Variants in PHF24 observed in about 807,000 individuals in gnomAD.
The protein encoded by PHF24 is Galpha inhibitory interacting protein.
Under a neutral mutation model 42.6 loss-of-function variants are expected in PHF24, and 25 were observed. That is an observed-to-expected ratio of 0.59 (90% CI 0.43 to 0.82). The LOEUF is 0.82. Ranked by LOEUF, PHF24 falls within the 40% of genes least tolerant of loss-of-function variation. PHF24 has a pLI of 0.00. For missense variants in PHF24, 470 were observed against 538.1 expected (o/e 0.87, Z 1.25); for synonymous variants, 185 against 204.8 (o/e 0.90, Z 0.83).
the PHF24 span, among the ~76,000 whole-genome samples, chr9:34,908,901 G>A: frequency 6.9e-6 from 1 of 145,530 alleles, no homozygotes; most frequent in Non-Finnish European, 1.5e-5. Context: ...GGGCTGGAGT[G>A]CAGTGGTGCG....
At chr9:34,852,357 C>T in the PHF24 span, among the ~76,000 whole-genome samples, 13 of 152,222 alleles carry the variant, frequency 8.5e-5, no homozygotes, top group South Asian at 2.5e-3. Flanking sequence ...GTGCCCCAGC[C>T]CCTACATTGT....
the PHF24 span, among the ~76,000 whole-genome samples, chr9:34,746,959 G>A: frequency 6.6e-6 from 1 of 151,984 alleles, no homozygotes; most frequent in African/African-American, 2.4e-5. Context: ...GACACAAAAA[G>A]CACTAATCAT....
the PHF24 span, among the ~76,000 whole-genome samples, chr9:34,677,111 A>T: frequency 6.6e-6 from 1 of 152,168 alleles, no homozygotes; most frequent in Non-Finnish European, 1.5e-5. Context: ...CCAGTTATCC[A>T]TCTCAGAAAA....
chr9:34,832,691 G>A, the PHF24 span: 3 of 1,543,338 alleles, frequency 1.9e-6, no homozygotes, highest in Non-Finnish European at 2.6e-6. Flanking sequence ...CTGTAAGGCT[G>A]GGCTTCTTTT....
the PHF24 span, chr9:34,895,479 C>A: frequency 2.5e-6 from 1 of 397,936 alleles, no homozygotes. Flanking sequence ...AGTGAGGAGA[C>A]CCCTTTAAAA....
At chr9:34,818,855 G>A in the PHF24 span, among the ~76,000 whole-genome samples, 4 of 152,082 alleles carry the variant, frequency 2.6e-5, no homozygotes, top group African/African-American at 9.7e-5. Flanking sequence ...TCAGTTTTAT[G>A]GAAGATTTTG....
chr9:34,958,085 G>T (rs996573862), upstream of PHF24, among the ~76,000 whole-genome samples: 1 of 149,492 alleles, frequency 6.7e-6, no homozygotes, highest in Non-Finnish European at 1.5e-5. The surrounding 1 kb of genome is among the most constrained non-coding windows in gnomAD (Gnocchi z 4.5). Context: ...GTCACCCGCC[G>T]CCCGCGGAGC....
At chr9:34,868,558 G>T in the PHF24 span, among the ~76,000 whole-genome samples, 1 of 152,124 alleles carries the variant, frequency 6.6e-6, no homozygotes, top group Non-Finnish European at 1.5e-5. Context: ...CTTCCAAAAA[G>T]TTGTCACCCC....
chr9:34,681,634 A>C, the PHF24 span, among the ~76,000 whole-genome samples: 3 of 152,302 alleles, frequency 2.0e-5, no homozygotes, highest in African/African-American at 7.2e-5. Flanking sequence ...AACATGGTGA[A>C]GCCCTGTCTC....
the PHF24 span, among the ~76,000 whole-genome samples, chr9:34,854,411 T>A: frequency 6.6e-6 from 1 of 152,164 alleles, no homozygotes; most frequent in Non-Finnish European, 1.5e-5. Flanking sequence ...TGTGGGCATT[T>A]AGTACTATAA....
the PHF24 span, chr9:34,834,900 G>C: frequency 1.4e-6 from 2 of 1,411,116 alleles, no homozygotes; most frequent in Non-Finnish European, 9.5e-7. Flanking sequence ...AAGAGAAAAG[G>C]ATCCTTCAAG....
At chr9:34,838,747 T>C in the PHF24 span, among the ~76,000 whole-genome samples, 1 of 152,228 alleles carries the variant, frequency 6.6e-6, no homozygotes, top group Non-Finnish European at 1.5e-5. Flanking sequence ...GTCTATTTCC[T>C]AGTCTGTCTT....
the PHF24 span, among the ~76,000 whole-genome samples, chr9:34,840,280 C>A: frequency 6.6e-6 from 1 of 152,156 alleles, no homozygotes; most frequent in Non-Finnish European, 1.5e-5. Context: ...TTCCCTCAGT[C>A]AATCACTTCT....
At chr9:34,886,746 A>ATCTGTCTGTCTG in the PHF24 span, among the ~76,000 whole-genome samples, 19,633 of 119,512 alleles carry the variant, frequency 0.16, 1,641 homozygotes, top group East Asian at 0.4. Context: ...ATATCTATCT[A>ATCTGTCTGTCTG]TCTATCTATC....
chr9:34,746,106 G>A, the PHF24 span, among the ~76,000 whole-genome samples: 1 of 152,120 alleles, frequency 6.6e-6, no homozygotes, highest in Non-Finnish European at 1.5e-5. Context: ...AGATTTATAG[G>A]TTAAAGGGAA....
the PHF24 span, among the ~76,000 whole-genome samples, chr9:34,898,885 A>G: frequency 7.2e-5 from 11 of 152,168 alleles, no homozygotes; most frequent in African/African-American, 2.7e-4. Context: ...CATTAAAACC[A>G]TCTACTGAAA....
the PHF24 span, among the ~76,000 whole-genome samples, chr9:34,746,622 C>T: frequency 6.6e-6 from 1 of 152,128 alleles, no homozygotes; most frequent in Non-Finnish European, 1.5e-5. Context: ...GAAAACTTTT[C>T]TCAAACAAGG....
the PHF24 span, among the ~76,000 whole-genome samples, chr9:34,851,467 G>A: frequency 2.0e-5 from 3 of 152,158 alleles, no homozygotes; most frequent in Admixed American, 1.3e-4. Flanking sequence ...GTGCAGTATT[G>A]GGGTGGGAGT....
At chr9:34,701,812 C>G in the PHF24 span, among the ~76,000 whole-genome samples, 1 of 152,078 alleles carries the variant, frequency 6.6e-6, no homozygotes, top group African/African-American at 2.4e-5. This position sits in a 1 kb window ranked among gnomAD's most constrained non-coding sequence, Gnocchi z 5.8. Context: ...GCCCGGTGGC[C>G]GGGGGAAGGC....
Sources: allele counts gnomAD v4.1 joint callset (sites outside exome capture counted in the v4.1 genomes callset), GRCh38; gene constraint gnomAD v4.1.1; non-coding constraint Gnocchi (gnomAD v3.1); transcripts MANE v1.5; gene names NCBI Gene and HGNC (gene_info 2026-07-23, HGNC 2026-07-21).